The following FSTL1 variants were observed in gnomAD, a reference collection of about 807,000 sequenced individuals.
The protein encoded by FSTL1 is follistatin like 1, also known as follistatin-related protein 1.
A neutral mutation model predicts 45.9 loss-of-function variants in FSTL1; 24 were observed. That is an observed-to-expected ratio of 0.52 (90% CI 0.38 to 0.74). FSTL1 has a LOEUF of 0.74. Ranked by LOEUF, FSTL1 falls within the 30% of genes least tolerant of loss-of-function variation. FSTL1 has a pLI of 0.00. For synonymous variants in FSTL1, 120 were observed against 137.6 expected, an observed-to-expected ratio of 0.87 and a Z score of 0.89; for missense variants, 340 against 381.8, an observed-to-expected ratio of 0.89 and a Z score of 0.91.
chr3:120,412,827 C>CGT (rs1553702960), intron 3 of FSTL1, among the ~76,000 whole-genome samples: 12 of 64,362 alleles, frequency 1.9e-4, no homozygotes, highest in South Asian at 1.1e-3. Flanking sequence ...TGTGCGCGCG[C>CGT]GCGCGCGCGC....
rs577187802 is a variant in FSTL1, at chr3:120,449,053, G to A, written c.63+1631C>T. ...GGGATGGAGAAATGTTTCTTAACCA[G>A]GGCTACATCAGCCAGTGAAGGGGGA... On this transcript the variant is annotated intron_variant, in intron 2 of 10. Coordinates refer to ENST00000295633, the MANE Select transcript of FSTL1 (RefSeq NM_007085.5). Among the ~76,000 whole-genome samples the A allele has an allele frequency of 3.3e-5, 5 of 152,278 alleles. No individual in the cohort carries two copies. In the South Asian group the frequency reaches 1.0e-3, roughly 32 times the overall value.
At chr3:120,442,418 T>C (rs762209465) in intron 2 of FSTL1, among the ~76,000 whole-genome samples, 24 of 152,208 alleles carry the variant, frequency 1.6e-4, no homozygotes, top group Non-Finnish European at 3.2e-4. Context: ...ACTTCTAAGT[T>C]GGACTCTTTC....
At chr3:120,437,419 G>A (rs1937582184) in intron 2 of FSTL1, among the ~76,000 whole-genome samples, 1 of 152,176 alleles carries the variant, frequency 6.6e-6, no homozygotes, top group South Asian at 2.1e-4. Context: ...GGCTTAGAAA[G>A]AAATCAGGGC....
At chr3:120,447,425 C>G (rs1051368809) in intron 2 of FSTL1, among the ~76,000 whole-genome samples, 2 of 152,114 alleles carry the variant, frequency 1.3e-5, no homozygotes, top group African/African-American at 2.4e-5. Context: ...ATGCTACACC[C>G]AGTACCTTCT....
intron 2 of FSTL1, among the ~76,000 whole-genome samples, chr3:120,420,828 G>T (rs1937263262): frequency 6.6e-6 from 1 of 152,226 alleles, no homozygotes; most frequent in Admixed American, 6.5e-5. Context: ...TCTCACAGTT[G>T]TAGAATTGAG....
At chr3:120,450,810 C>T (rs1279891953) in intron 1 of FSTL1, 64 bp from the exon 2 acceptor site, 14 of 1,255,254 alleles carry the variant, frequency 1.1e-5, no homozygotes, top group Non-Finnish European at 1.5e-5. Flanking sequence ...GGGAAACTTG[C>T]TCGGGTCCCG....
chr3:120,450,551 C>G (rs2107676427), intron 2 of FSTL1, 133 bp downstream of exon 2: 1 of 547,902 alleles, frequency 1.8e-6, no homozygotes, highest in South Asian at 2.5e-5. Flanking sequence ...CAGCTCCACC[C>G]CAGCACACCC....
rs915259827 is a variant in FSTL1 at position 120,399,934 on chromosome 3, G to A, written c.831C>T (p.Thr277=). 6.2e-7 allele frequency: 1 copy of A among 1,609,142 alleles called. No individual in the cohort carries two copies. Among genetic ancestry groups the A allele is most frequent in the Non-Finnish European group, 8.5e-7 (1 of 1,177,576 alleles). The change falls in exon 10 of 11, where the codon ACC becomes ACT. Residue 277 remains threonine (T), a synonymous_variant. Coordinates refer to ENST00000295633, the MANE Select transcript of FSTL1 (RefSeq NM_007085.5). ...ATCTGGTCATCTCCTCCTCTGTCTG[G>A]GTCTGGGCCCCCTTCTGATTCTTTC... ...CDGKNQKGAQ[T]QTEEEMTRYV...
At chr3:120,415,730 A>AT (rs999318810) in intron 3 of FSTL1, 193 bp downstream of exon 3, 1 of 502,506 alleles carries the variant, frequency 2.0e-6, no homozygotes, top group African/African-American at 1.9e-5. Context: ...ATAAAGCTAA[A>AT]TTTTTTTAAA....
At chr3:120,416,087 C>CTCATT in intron 2 of FSTL1, 60 bp from the exon 3 acceptor site, 3 of 1,162,810 alleles carry the variant, frequency 2.6e-6, no homozygotes, top group African/African-American at 1.5e-5. Context: ...ATGGAATGAG[C>CTCATT]CCATAATGAG....
intron 2 of FSTL1, among the ~76,000 whole-genome samples, chr3:120,425,576 A>G (rs1325586330): frequency 6.6e-6 from 1 of 152,184 alleles, no homozygotes; most frequent in Non-Finnish European, 1.5e-5. Context: ...TATAAAATGC[A>G]GAGGTTATAG....
chr3:120,394,946 T>C lies in FSTL1; in HGVS notation c.*2006A>G, dbSNP rs1936666303. The C allele has an allele frequency of 6.6e-6, 1 of 152,240 alleles. No homozygotes were observed. The highest frequency in any genetic ancestry group is 2.4e-5 in the African/African-American group (1 of 41,434). 9.4% of individuals were successfully genotyped at this position (152,240 alleles called of 1,614,324 possible). A position where few individuals can be genotyped will look rare whatever the true frequency, so the allele number is the denominator to read the frequency against. On this transcript the variant is annotated 3_prime_UTR_variant, in exon 11 of 11. Coordinates refer to ENST00000295633, the MANE Select transcript of FSTL1 (RefSeq NM_007085.5). ...ACTGTGGTTTCTTGCTTTTAACAAATTGGTGTACTCTTGCCCTCCTCCCAT... is the reference window on the plus strand; with the variant it reads ...ACTGTGGTTTCTTGCTTTTAACAAACTGGTGTACTCTTGCCCTCCTCCCAT...
At chr3:120,410,501 TATGTGCAAAA>T (rs1208636460) in intron 5 of FSTL1, 2 of 308,976 alleles carry the variant, frequency 6.5e-6, no homozygotes, top group African/African-American at 4.3e-5. Flanking sequence ...CTAAGGAAAG[TATGTGCAAAA>T]AAGCTCTGTA....
chr3:120,450,136 G>GA (rs1290031523), intron 2 of FSTL1, among the ~76,000 whole-genome samples: 1 of 152,148 alleles, frequency 6.6e-6, no homozygotes, highest in East Asian at 1.9e-4. Context: ...GAACACTTGG[G>GA]AAAAGGCCGT....
At position 120,393,636 on chromosome 3, in the gene FSTL1, A is replaced by C. The variant is rs1936633515; in HGVS notation, c.*3316T>G. ...GTCTCCTAAATCATATGGGGGATTTACGAGTCATTTAATTTAATGTCTTCC... is the reference window on the plus strand; with the variant it reads ...GTCTCCTAAATCATATGGGGGATTTCCGAGTCATTTAATTTAATGTCTTCC... On this transcript the variant is annotated 3_prime_UTR_variant, in exon 11 of 11. Coordinates refer to ENST00000295633, the MANE Select transcript of FSTL1 (RefSeq NM_007085.5). The C allele has an allele frequency of 6.6e-6, 1 of 152,196 alleles. No homozygotes were observed. The highest frequency in any genetic ancestry group is 1.5e-5 in the Non-Finnish European group (1 of 68,034). The allele number at this position is 152,196 out of a possible 1,614,324, so 9.4% of individuals were successfully genotyped here. A position where few individuals can be genotyped will look rare whatever the true frequency, so the allele number is the denominator to read the frequency against.
intron 2 of FSTL1, among the ~76,000 whole-genome samples, chr3:120,446,285 C>T (rs373086708): frequency 2.3e-4 from 35 of 152,336 alleles, no homozygotes; most frequent in African/African-American, 8.4e-4. Context: ...CATTTCCTCT[C>T]GGATCATTAC....
intron 2 of FSTL1, among the ~76,000 whole-genome samples, chr3:120,424,475 T>A (rs1026843027): frequency 4.6e-5 from 7 of 152,138 alleles, no homozygotes; most frequent in African/African-American, 7.2e-5. Flanking sequence ...TGAGCCGAGC[T>A]CTTAAGAAAG....
At chr3:120,448,319 TC>T (rs1474258500) in intron 2 of FSTL1, among the ~76,000 whole-genome samples, 2 of 152,208 alleles carry the variant, frequency 1.3e-5, no homozygotes, top group African/African-American at 4.8e-5. Flanking sequence ...TTGCAGACTG[TC>T]CTTAGAGTTA....
rs1936688534 is a variant in FSTL1 at position 120,395,863 on chromosome 3, T to C, written c.*1089A>G. The C allele has an allele frequency of 1.6e-5, 6 of 385,294 alleles. No individual in the cohort carries two copies. The highest frequency in any genetic ancestry group is 2.5e-5 in the Non-Finnish European group (5 of 197,114). The allele number at this position is 385,294 out of a possible 1,614,324, so 23.9% of individuals were successfully genotyped here. On this transcript the variant is annotated 3_prime_UTR_variant, in exon 11 of 11. Transcript: ENST00000295633. ...CTCCTAGTTAGTCGAATGAGCATAT[T>C]GGTAGGCTGGGATATCCTAAGCCCT...
Sources: gnomAD v4.1 joint callset for allele counts (sites outside exome capture counted in the v4.1 genomes callset) on GRCh38, gnomAD v4.1.1 for gene constraint, MANE v1.5 for transcripts, NCBI Gene and HGNC (gene_info 2026-07-23, HGNC 2026-07-21) for gene names.